HHIPL1: variants seen among roughly 807,000 people sequenced by gnomAD.
HHIPL1 encodes HHIP-like protein 1.
In HHIPL1, 43 loss-of-function variants were observed where a neutral mutation model predicts 61.8. The observed-to-expected ratio is 0.70, with a 90% confidence interval of 0.55 to 0.90. HHIPL1 has a LOEUF of 0.90. Among genes scored for constraint, HHIPL1 ranks in the 40% least tolerant of loss-of-function variants. HHIPL1 has a pLI of 0.00. For missense variants in HHIPL1, 1,056 were observed against 1,157.7 expected, an observed-to-expected ratio of 0.91 and a Z score of 1.28; for synonymous variants, 482 against 515.8, an observed-to-expected ratio of 0.93 and a Z score of 0.89.
At chr14:99,632,196 G>A in the HHIPL1 span, among the ~76,000 whole-genome samples, 1 of 152,234 alleles carries the variant, frequency 6.6e-6, no homozygotes, top group Non-Finnish European at 1.5e-5. Flanking sequence ...GCACACAGGT[G>A]CAGGTGCCTG....
chr14:99,638,784 T>C, the HHIPL1 span, among the ~76,000 whole-genome samples: 1 of 152,218 alleles, frequency 6.6e-6, no homozygotes, highest in South Asian at 2.1e-4. Flanking sequence ...CAGGCCTGGC[T>C]TCCGAAGCTG....
chr14:99,660,263 T>A lies in HHIPL1; in HGVS notation c.1376-17T>A, dbSNP rs1373027619. 1 of 1,612,876 alleles carries A rather than the reference T, an allele frequency of 6.2e-7. No individual in the cohort carries two copies. The highest frequency in any genetic ancestry group is 1.3e-5 in the African/African-American group (1 of 74,730). On this transcript the variant is annotated splice_polypyrimidine_tract_variant and intron_variant, in intron 4 of 8. Coordinates refer to ENST00000330710, the MANE Select transcript of HHIPL1 (RefSeq NM_001127258.3). This position sits in a 1 kb window ranked among gnomAD's most constrained non-coding sequence, Gnocchi z 4.9. ...CGCCGCTGGCTCACCGAAGCTTCTC[T>A]CCCTCCCACCCCGCAGATGACTTGC...
the HHIPL1 span, among the ~76,000 whole-genome samples, chr14:99,633,967 G>T: frequency 6.6e-6 from 1 of 152,216 alleles, no homozygotes; most frequent in Non-Finnish European, 1.5e-5. Context: ...CTGTCTCCAT[G>T]CAGGGCTGTA....
chr14:99,664,244 A>C, intron 6 of HHIPL1, among the ~76,000 whole-genome samples: 1 of 152,008 alleles, frequency 6.6e-6, no homozygotes, highest in Non-Finnish European at 1.5e-5. Context: ...TGCCCGGCTC[A>C]GTGCCCAGAG....
chr14:99,671,337 G>C (rs1279810337), intron 7 of HHIPL1, among the ~76,000 whole-genome samples: 1 of 152,218 alleles, frequency 6.6e-6, no homozygotes, highest in Non-Finnish European at 1.5e-5. Context: ...CACTGGGTCT[G>C]TCTGAAGTGT....
chr14:99,623,059 G>A, the HHIPL1 span, among the ~76,000 whole-genome samples: 3 of 152,234 alleles, frequency 2.0e-5, no homozygotes, highest in Non-Finnish European at 4.4e-5. Flanking sequence ...TCACTGCAGA[G>A]ACGCGTGTGC....
At chr14:99,607,049 G>T in the HHIPL1 span, among the ~76,000 whole-genome samples, 63,805 of 92,122 alleles carry the variant, frequency 0.69, 20,758 homozygotes, top group South Asian at 0.87. Context: ...TTTTTTTTTG[G>T]CTAAGACAGG....
intron 6 of HHIPL1, among the ~76,000 whole-genome samples, chr14:99,663,519 G>A (rs112140507): frequency 5.8e-4 from 89 of 152,206 alleles, no homozygotes; most frequent in African/African-American, 2.0e-3. Context: ...GGTTTTAGCC[G>A]GCTTCTTTAC....
At chr14:99,631,339 G>A in the HHIPL1 span, among the ~76,000 whole-genome samples, 1 of 151,882 alleles carries the variant, frequency 6.6e-6, no homozygotes, top group Admixed American at 6.6e-5. Context: ...CCAAAGTGCT[G>A]GGATTACAGG....
chr14:99,634,171 C>T, the HHIPL1 span, among the ~76,000 whole-genome samples: 1 of 152,168 alleles, frequency 6.6e-6, no homozygotes, highest in African/African-American at 2.4e-5. Flanking sequence ...ATGTCTCCCT[C>T]AGGGCTTCTG....
chr14:99,619,932 C>A, the HHIPL1 span, among the ~76,000 whole-genome samples: 2 of 152,204 alleles, frequency 1.3e-5, no homozygotes, highest in Non-Finnish European at 2.9e-5. Flanking sequence ...TTTCCCACCC[C>A]CAATCCACAT....
intron 8 of HHIPL1, 88 bp downstream of exon 8, chr14:99,672,487 C>A: frequency 9.3e-7 from 1 of 1,078,634 alleles, no homozygotes; most frequent in Non-Finnish European, 1.4e-6. Flanking sequence ...TCGGGTCTTA[C>A]CAGCTGGACC....
chr14:99,621,709 CTTTTTTTTTTTTT>C, the HHIPL1 span, among the ~76,000 whole-genome samples: 2 of 84,534 alleles, frequency 2.4e-5, no homozygotes, highest in African/African-American at 4.6e-5. Flanking sequence ...CTTTTCTTTT[CTTTTTTTTTTTTT>C]TTTTTTTTTT....
chr14:99,664,038 T>C (rs2056199883), intron 6 of HHIPL1, among the ~76,000 whole-genome samples: 1 of 152,176 alleles, frequency 6.6e-6, no homozygotes, highest in South Asian at 2.1e-4. Flanking sequence ...ATCTAGGCAC[T>C]TGTCAATGCA....
rs1045706948 is a variant in HHIPL1, at chr14:99,680,012, T to C, written c.*4386T>C. 2 of 152,162 alleles carry C rather than the reference T, an allele frequency of 1.3e-5. No individual in the cohort carries two copies. The highest frequency in any genetic ancestry group is 2.9e-5 in the Non-Finnish European group (2 of 68,032). 9.4% of individuals were successfully genotyped at this position (152,162 alleles called of 1,614,324 possible). A position where few individuals can be genotyped will look rare whatever the true frequency, so the allele number is the denominator to read the frequency against. ...TGCCAGCTACCTCGGGTGTGTCAGC[T>C]CATTTAATCTTGACAACAGCTCCAC... On this transcript the variant is annotated 3_prime_UTR_variant, in exon 9 of 9. Transcript: ENST00000330710.
chr14:99,634,576 A>C, the HHIPL1 span, among the ~76,000 whole-genome samples: 1 of 152,176 alleles, frequency 6.6e-6, no homozygotes, highest in African/African-American at 2.4e-5. Context: ...GCACTGAGAA[A>C]CCATATTTTA....
chr14:99,659,393 A>AC, intron 3 of HHIPL1, 35 bp from the exon 4 acceptor site: 1 of 1,390,122 alleles, frequency 7.2e-7, no homozygotes, highest in Non-Finnish European at 9.3e-7. Context: ...GCTCAGGGCG[A>AC]CCCCGAGCCG....
At chr14:99,635,127 G>T in the HHIPL1 span, among the ~76,000 whole-genome samples, 1 of 152,194 alleles carries the variant, frequency 6.6e-6, no homozygotes, top group African/African-American at 2.4e-5. Context: ...CGAGCTGGAG[G>T]TAGAGTTGGG....
intron 7 of HHIPL1, chr14:99,669,344 A>G: frequency 2.0e-6 from 2 of 1,008,162 alleles, no homozygotes; most frequent in South Asian, 8.6e-5. Context: ...CGTCTCTTCA[A>G]CACTGGGTAC....
Sources: allele counts gnomAD v4.1 joint callset (sites outside exome capture counted in the v4.1 genomes callset), GRCh38; gene constraint gnomAD v4.1.1; non-coding constraint Gnocchi (gnomAD v3.1); transcripts MANE v1.5; gene names NCBI Gene and HGNC (gene_info 2026-07-23, HGNC 2026-07-21).